Variants in LRP1B observed in about 807,000 individuals in gnomAD.
The protein encoded by LRP1B is LDL receptor related protein 1B.
A neutral mutation model predicts 556.6 loss-of-function variants in LRP1B; 217 were observed. The observed-to-expected ratio is 0.39, with a 90% CI of 0.35 to 0.44. The LOEUF is 0.44. Ranked by LOEUF, LRP1B falls within the 20% of genes least tolerant of loss-of-function variation. LRP1B has a pLI of 1.00. For missense variants in LRP1B, 5,053 were observed against 5,620.8 expected (o/e 0.90, Z 3.23); for synonymous variants, 2,047 against 1,865.8 (o/e 1.10, Z -2.50).
chr2:140,502,373 G>A (rs1689237222), intron 54 of LRP1B, among the ~76,000 whole-genome samples: 1 of 151,914 alleles, frequency 6.6e-6, no homozygotes, highest in Non-Finnish European at 1.5e-5. Context: ...TCCAAATACA[G>A]CTATGGAAAA....
intron 7 of LRP1B, among the ~76,000 whole-genome samples, chr2:141,108,881 C>T (rs1481278528): frequency 6.6e-6 from 1 of 152,066 alleles, no homozygotes; most frequent in Non-Finnish European, 1.5e-5. Flanking sequence ...TGATAATAGC[C>T]CTTCTCTGAA....
chr2:140,692,260 AT>A (rs2105401519), intron 41 of LRP1B, among the ~76,000 whole-genome samples: 1 of 152,226 alleles, frequency 6.6e-6, no homozygotes, highest in South Asian at 2.1e-4. Flanking sequence ...ATTTGAGAAT[AT>A]TTTTATTGTG....
intron 35 of LRP1B, among the ~76,000 whole-genome samples, chr2:140,720,481 G>C (rs2105472942): frequency 6.6e-6 from 1 of 152,004 alleles, no homozygotes; most frequent in South Asian, 2.1e-4. Context: ...ATTAAATTCA[G>C]AATTAAAGGG....
In LRP1B at chr2:141,775,128, T is replaced by G. The variant is rs1427065334; in HGVS notation, c.205+35151A>C. 2.0e-5 allele frequency among the ~76,000 whole-genome samples: 3 copies of G among 152,200 alleles called. No individual in the cohort carries two copies. The South Asian group carries it at 6.2e-4, about 31-fold the overall frequency. ...CCCCATCACTCCTGCAGAAGATAAA[T>G]GCAAATACATTGCAATGGACTGAAA... On this transcript the variant is annotated intron_variant, in intron 2 of 90. Coordinates refer to ENST00000389484, the MANE Select transcript of LRP1B (RefSeq NM_018557.3).
At chr2:140,838,498 C>T (rs1320145860) in intron 31 of LRP1B, among the ~76,000 whole-genome samples, 1 of 152,040 alleles carries the variant, frequency 6.6e-6, no homozygotes, top group East Asian at 1.9e-4. Context: ...ATTCTATAGA[C>T]CACATGAAAA....
intron 1 of LRP1B, among the ~76,000 whole-genome samples, chr2:142,027,673 A>AAC (rs3041444): frequency 0.41 from 59,426 of 146,668 alleles, 12,967 homozygotes; most frequent in Admixed American, 0.49. Context: ...AAAAGATTAA[A>AAC]ACACACACAC....
intron 2 of LRP1B, among the ~76,000 whole-genome samples, chr2:141,735,814 C>A (rs570989780): frequency 1.6e-4 from 24 of 152,098 alleles, no homozygotes; most frequent in African/African-American, 5.8e-4. Flanking sequence ...TCAGCTTGAT[C>A]TAGACTTAGC....
At chr2:140,718,387 T>G (rs1267932134) in intron 35 of LRP1B, among the ~76,000 whole-genome samples, 1 of 151,998 alleles carries the variant, frequency 6.6e-6, no homozygotes, top group African/African-American at 2.4e-5. Context: ...TTTTGTTCAC[T>G]TTTTTCTTCT....
chr2:140,715,408 A>T (rs1316899060), intron 37 of LRP1B, among the ~76,000 whole-genome samples: 2 of 152,092 alleles, frequency 1.3e-5, no homozygotes, highest in Non-Finnish European at 1.5e-5. Flanking sequence ...ACTAAGCATA[A>T]CTTGGTGGCA....
chr2:140,659,204 C>A (rs1685004457), intron 41 of LRP1B, among the ~76,000 whole-genome samples: 1 of 136,048 alleles, frequency 7.4e-6, no homozygotes, highest in African/African-American at 2.7e-5. Context: ...AAATGTGCCA[C>A]AATAATAGGT....
chr2:141,614,667 T>C (rs1267482274), intron 2 of LRP1B, among the ~76,000 whole-genome samples: 1 of 151,772 alleles, frequency 6.6e-6, no homozygotes, highest in African/African-American at 2.4e-5. Context: ...GTGATAGATC[T>C]ACAAATGAAG....
At chr2:140,847,355 AG>A (rs1367593989) in intron 29 of LRP1B, among the ~76,000 whole-genome samples, 3 of 152,334 alleles carry the variant, frequency 2.0e-5, no homozygotes, top group Non-Finnish European at 2.9e-5. Context: ...TATCTTATAA[AG>A]GTTGACATAA....
intron 2 of LRP1B, among the ~76,000 whole-genome samples, chr2:141,808,526 T>C (rs1696235450): frequency 6.6e-6 from 1 of 152,100 alleles, no homozygotes; most frequent in Non-Finnish European, 1.5e-5. Context: ...CATTCCTATA[T>C]TTCTTCATCC....
intron 31 of LRP1B, among the ~76,000 whole-genome samples, chr2:140,838,782 A>G (rs1449904807): frequency 1.3e-5 from 2 of 152,168 alleles, no homozygotes; most frequent in African/African-American, 2.4e-5. Context: ...CTGAAATGAC[A>G]AATAGGCCCT....
At chr2:142,054,988 A>C (rs189587906) in intron 1 of LRP1B, among the ~76,000 whole-genome samples, 2 of 152,304 alleles carry the variant, frequency 1.3e-5, no homozygotes, top group Non-Finnish European at 2.9e-5. Context: ...TTAGTGAGCC[A>C]TAGAGAAAAG....
chr2:140,916,451 T>C (rs1249495513), intron 21 of LRP1B, among the ~76,000 whole-genome samples: 1 of 152,224 alleles, frequency 6.6e-6, no homozygotes, highest in African/African-American at 2.4e-5. Context: ...TTTCATTACA[T>C]AGCAGATCAG....
intron 1 of LRP1B, among the ~76,000 whole-genome samples, chr2:141,945,102 A>G (rs951870317): frequency 2.0e-5 from 3 of 152,188 alleles, no homozygotes; most frequent in South Asian, 4.1e-4. Flanking sequence ...AGATCAAAAC[A>G]TGAGTCGTTT....
At chr2:141,782,746 G>A (rs946114275) in intron 2 of LRP1B, among the ~76,000 whole-genome samples, 3 of 151,952 alleles carry the variant, frequency 2.0e-5, no homozygotes, top group African/African-American at 7.3e-5. Flanking sequence ...AATGAGGAAT[G>A]TGTGATCTAG....
chr2:141,317,858 A>G (rs1037005449), intron 3 of LRP1B, among the ~76,000 whole-genome samples: 2 of 152,032 alleles, frequency 1.3e-5, no homozygotes, highest in South Asian at 4.2e-4. Context: ...TAGTTGCAAA[A>G]TTTTCCTTCT....
Sources: allele counts gnomAD v4.1 joint callset (sites outside exome capture counted in the v4.1 genomes callset), GRCh38; gene constraint gnomAD v4.1.1; transcripts MANE v1.5; gene names NCBI Gene and HGNC (gene_info 2026-07-23, HGNC 2026-07-21).